The following REN variants were observed in gnomAD, a reference collection of about 807,000 sequenced individuals.
REN encodes the protein renin.
REN carries 42 observed loss-of-function variants against 48.6 expected under a neutral mutation model. The observed-to-expected ratio is 0.86, with a 90% confidence interval of 0.68 to 1.12. REN has a LOEUF of 1.12. REN is among the 50% of genes most tolerant of loss of function. The probability of loss-of-function intolerance (pLI) is 0.00; values close to 1 mark genes in which losing one functional copy is unlikely to be tolerated. For synonymous variants in REN, 196 were observed against 204.6 expected (o/e 0.96, Z 0.36); for missense variants, 443 against 527.3 (o/e 0.84, Z 1.57).
chr1:204,158,139 C>G (rs938763340), intron 5 of REN, among the ~76,000 whole-genome samples: 20 of 137,302 alleles, frequency 1.5e-4, no homozygotes, highest in African/African-American at 5.6e-4. Flanking sequence ...TGTTGAATGT[C>G]CCAGGGCAGC....
At chr1:204,159,310 T>C (rs1437517165) in intron 5 of REN, 89 bp downstream of exon 5, 1 of 1,208,676 alleles carries the variant, frequency 8.3e-7, no homozygotes, top group African/African-American at 1.5e-5. Context: ...TACAAACACT[T>C]TACAATTCTG....
At chr1:204,166,123 G>A (rs1225437428) in intron 1 of REN, 73 bp downstream of exon 1, 2 of 1,284,396 alleles carry the variant, frequency 1.6e-6, no homozygotes, top group East Asian at 2.3e-5. Flanking sequence ...ACCGCATGTG[G>A]AAAAGCCAGG....
At chr1:204,161,032 G>A (rs1009344318) in intron 3 of REN, among the ~76,000 whole-genome samples, 1 of 152,214 alleles carries the variant, frequency 6.6e-6, no homozygotes, top group African/African-American at 2.4e-5. Context: ...ATTCAGTCCT[G>A]TCTCAATCTC....
At chr1:204,157,031 T>C (rs1658162687) in intron 6 of REN, among the ~76,000 whole-genome samples, 1 of 152,168 alleles carries the variant, frequency 6.6e-6, no homozygotes. Context: ...GTAGTCCAGC[T>C]GTTCCCCCAA....
chr1:204,161,278 G>A lies in REN; in HGVS notation c.373+14C>T, dbSNP rs377539952. 1.0e-5 allele frequency: 16 copies of A among 1,592,564 alleles called. No homozygotes were observed. The African/African-American group carries it at 1.9e-4, about 19-fold the overall frequency. On this transcript the variant is annotated intron_variant, in intron 3 of 9. Coordinates refer to ENST00000272190, the MANE Select transcript of REN (RefSeq NM_000537.4). ...GGGGGATGGAGGAGAGGCACTGTGG[G>A]TCTTAGGTCTCACCACAGGCAGTGT...
Position 204,156,993 on chromosome 1 carries a change from C to G in REN, c.699-197G>C, listed in dbSNP as rs1658162241. ...CTGCTTCTCTGCCTTTCTTCCCCTC[C>G]CCAAGACCAACCAGAGGTTGTTCCA... On this transcript the variant is annotated intron_variant, in intron 6 of 9. Coordinates refer to ENST00000272190, the MANE Select transcript of REN (RefSeq NM_000537.4). The surrounding 1 kb of genome is among the most constrained non-coding windows in gnomAD (Gnocchi z 4.2). Among the ~76,000 whole-genome samples the G allele has an allele frequency of 1.3e-5, 2 of 152,132 alleles. No homozygotes were observed. Among genetic ancestry groups the G allele is most frequent in the Admixed American group, 1.3e-4 (2 of 15,282 alleles).
At position 204,166,275 on chromosome 1, in the gene REN, TC is replaced by T; in HGVS notation, c.18del (p.Met7CysfsTer40). ...AGCAGCAGCAGTCCCCAGCGAGGCATCCTTCTCCATCCATCCATGCTTCCCT... is the reference window on the plus strand; with the variant it reads ...AGCAGCAGCAGTCCCCAGCGAGGCATCTTCTCCATCCATCCATGCTTCCCT... Reference protein sequence around the residue: MDGWRRMPRWGLLLLL... With the variant: MDGWRXMPRWGLLLLL... On this transcript the variant is annotated frameshift_variant, in exon 1 of 10. Transcript: ENST00000272190. LOFTEE classifies it high-confidence loss of function. 1 of 1,614,188 alleles carries T rather than the reference TC, an allele frequency of 6.2e-7. No homozygotes were observed. Among genetic ancestry groups the T allele is most frequent in the South Asian group, 1.1e-5 (1 of 91,088 alleles).
At chr1:204,162,563 G>A (rs553093912) in intron 1 of REN, among the ~76,000 whole-genome samples, 23 of 152,340 alleles carry the variant, frequency 1.5e-4, no homozygotes, top group Non-Finnish European at 2.5e-4. Context: ...CACCTGGCGG[G>A]AGGACAGACA....
chr1:204,161,175 A>C, intron 3 of REN, 117 bp downstream of exon 3: 1 of 1,170,942 alleles, frequency 8.5e-7, no homozygotes, highest in Non-Finnish European at 1.2e-6. Flanking sequence ...GCACAGAGGC[A>C]GAGAGGAAGC....
At chr1:204,160,528 CGG>C (rs1558244962) in intron 4 of REN, 30 bp downstream of exon 4, 1 of 1,453,316 alleles carries the variant, frequency 6.9e-7, no homozygotes, top group Non-Finnish European at 9.7e-7. Flanking sequence ...AGAAGGGGTC[CGG>C]GGCAGATGAC....
rs1558246947 is a variant in REN at position 204,166,205 on chromosome 1, G to C, written c.89C>G (p.Thr30Ser). Residue 30 changes from threonine (T) to serine (S), a missense_variant, in exon 1 of 10, where the codon ACC (threonine) becomes AGC (serine). Coordinates refer to ENST00000272190, the MANE Select transcript of REN (RefSeq NM_000537.4). ...CTFGLPTDTT[T>S]FKRIFLKRMP... Reference sequence around the variant, plus strand: ...CTGAGTTACCAATTACCGTTTAAAGGTGGTGGTGTCTGTCGGGAGACCAAA... The same window carrying C: ...CTGAGTTACCAATTACCGTTTAAAGCTGGTGGTGTCTGTCGGGAGACCAAA... 2 of 1,613,974 alleles carry C rather than the reference G, an allele frequency of 1.2e-6. No homozygotes were observed. Among genetic ancestry groups the C allele is most frequent in the Non-Finnish European group, 1.7e-6 (2 of 1,179,842 alleles).
In REN at chr1:204,156,143, C is replaced by T; in HGVS notation, c.960+35G>A. On this transcript the variant is annotated intron_variant, in intron 8 of 9. Transcript: ENST00000272190. This position sits in a 1 kb window ranked among gnomAD's most constrained non-coding sequence, Gnocchi z 4.2. ...TGAGCCGATACCAGGTGGCGCTCCC[C>T]CCACCCACAGCACCTTCCCTCTTTG... 1 of 1,613,840 alleles carries T rather than the reference C, an allele frequency of 6.2e-7. No individual in the cohort carries two copies. Among genetic ancestry groups the T allele is most frequent in the African/African-American group, 1.3e-5 (1 of 75,042 alleles).
intron 1 of REN, among the ~76,000 whole-genome samples, chr1:204,163,398 C>T (rs887086005): frequency 6.6e-6 from 1 of 152,222 alleles, no homozygotes; most frequent in East Asian, 1.9e-4. Flanking sequence ...AATATTTTCA[C>T]AATCATTATT....
chr1:204,157,283 G>A lies in REN; in HGVS notation c.698+78C>T, dbSNP rs372774206. ...GGCTTGCTGATGTGAGTTTTGGGCC[G>A]GTGGCGTGTGTAATTCTAGGTCAGG... On this transcript the variant is annotated intron_variant, in intron 6 of 9. Transcript: ENST00000272190. 126 of 1,582,670 alleles carry A rather than the reference G, an allele frequency of 8.0e-5. No homozygotes were observed. In the African/African-American group the frequency reaches 1.2e-3, roughly 16 times the overall value.
chr1:204,159,637 C>T (rs1187300983), intron 4 of REN, 42 bp from the exon 5 acceptor site: 2 of 1,588,652 alleles, frequency 1.3e-6, no homozygotes, highest in Non-Finnish European at 1.7e-6. Flanking sequence ...CCACTGCCCA[C>T]TCCTTGGTTG....
rs1658208360 is a variant in REN, at chr1:204,159,609, GA to G, written c.493-15del. 2 of 1,613,172 alleles carry G rather than the reference GA, an allele frequency of 1.2e-6. No individual in the cohort carries two copies. The highest frequency in any genetic ancestry group is 1.7e-5 in the Admixed American group (1 of 60,002). On this transcript the variant is annotated splice_polypyrimidine_tract_variant and intron_variant, in intron 4 of 9. Coordinates refer to ENST00000272190, the MANE Select transcript of REN (RefSeq NM_000537.4). ...GATTCCACCCACCTGTGGGAGGAAGGACCAGAGGAGACCAAGCCCACTGCCC... is the reference window on the plus strand; with the variant it reads ...GATTCCACCCACCTGTGGGAGGAAGGCCAGAGGAGACCAAGCCCACTGCCC...
At position 204,159,533 on chromosome 1, in the gene REN, G is replaced by A; in HGVS notation, c.555C>T (p.Phe185=). ...GEVTEMPALP[F]MLAEFDGVVG... Reference sequence around the variant, plus strand: ...CAACCCCATCAAACTCGGCCAGCATGAAGGGTAAGGCGGGCATCTCCGTGA... The same window carrying A: ...CAACCCCATCAAACTCGGCCAGCATAAAGGGTAAGGCGGGCATCTCCGTGA... Residue 185 remains phenylalanine (F), a synonymous_variant, in exon 5 of 10, where the codon TTC becomes TTT. Coordinates refer to ENST00000272190, the MANE Select transcript of REN (RefSeq NM_000537.4). The A allele has an allele frequency of 2.0e-5, 33 of 1,614,200 alleles. No homozygotes were observed. Among genetic ancestry groups the A allele is most frequent in the Non-Finnish European group, 2.8e-5 (33 of 1,180,038 alleles).
At chr1:204,157,628 T>G (rs939838149) in intron 5 of REN, among the ~76,000 whole-genome samples, 3 of 152,222 alleles carry the variant, frequency 2.0e-5, no homozygotes, top group African/African-American at 7.2e-5. Flanking sequence ...CAGGGACTAC[T>G]GTAGGCCTAG....
chr1:204,157,340 G>T, intron 6 of REN, 21 bp downstream of exon 6: 1 of 1,614,238 alleles, frequency 6.2e-7, no homozygotes, highest in East Asian at 2.2e-5. Flanking sequence ...TCACAGCCAT[G>T]TGGGGGTTTT....
Sources: allele counts gnomAD v4.1 joint callset (sites outside exome capture counted in the v4.1 genomes callset), GRCh38; gene constraint gnomAD v4.1.1; non-coding constraint Gnocchi (gnomAD v3.1); transcripts MANE v1.5; gene names NCBI Gene and HGNC (gene_info 2026-07-23, HGNC 2026-07-21).